Variants in GAB2 observed in about 807,000 individuals in gnomAD.
GAB2 encodes the protein GRB2 associated binding protein 2.
Under a neutral mutation model 65.5 loss-of-function variants are expected in GAB2, and 26 were observed. The observed-to-expected ratio is 0.40, with a 90% confidence interval of 0.29 to 0.55. The LOEUF (loss-of-function observed/expected upper bound fraction) is 0.55. Ranked by LOEUF, GAB2 falls within the 20% of genes least tolerant of loss-of-function variation. The pLI, the probability that GAB2 is intolerant of heterozygous loss-of-function variation, is 0.53. For synonymous variants in GAB2, 321 were observed against 329.6 expected, an observed-to-expected ratio of 0.97 and a Z score of 0.28; for missense variants, 884 against 875.8, an observed-to-expected ratio of 1.01 and a Z score of -0.12.
chr11:78,367,825 T>C (rs1016455198), intron 1 of GAB2, among the ~76,000 whole-genome samples: 3 of 144,018 alleles, frequency 2.1e-5, no homozygotes, highest in Non-Finnish European at 3.1e-5. Context: ...CTTTTTCTTT[T>C]TTTTTTTTTT....
intron 1 of GAB2, among the ~76,000 whole-genome samples, chr11:78,334,768 T>C (rs1054827185): frequency 2.0e-5 from 3 of 152,238 alleles, no homozygotes; most frequent in African/African-American, 7.2e-5. Context: ...GGGTAAATAC[T>C]CAGCTGTGGG....
rs746959802 is a variant in GAB2 at position 78,215,615 on chromosome 11, AAAT to A, written c.*3654_*3656del. The stretch of plus-strand genomic sequence containing the variant: ...TGACAAACAGTGACAATTCTGCGTG[AAAT>A]AATTCTAGATTTCAAGACACAAGTA... On this transcript the variant is annotated 3_prime_UTR_variant, in exon 10 of 10. Transcript: ENST00000361507. 6.6e-6 allele frequency: 1 copy of A among 152,284 alleles called. No homozygotes were observed. The highest frequency in any genetic ancestry group is 1.5e-5 in the Non-Finnish European group (1 of 68,038). The allele number at this position is 152,284 out of a possible 1,614,324, so 9.4% of individuals were successfully genotyped here.
intron 1 of GAB2, among the ~76,000 whole-genome samples, chr11:78,393,732 G>C (rs554514042): frequency 6.6e-6 from 1 of 152,246 alleles, no homozygotes; most frequent in South Asian, 2.1e-4. Flanking sequence ...AAGAACAGAA[G>C]AATCAAATAA....
In GAB2 at chr11:78,280,638, G is replaced by A; in HGVS notation, c.339C>T (p.Cys113=). 4 of 1,614,088 alleles carry A rather than the reference G, an allele frequency of 2.5e-6. No individual in the cohort carries two copies. Among genetic ancestry groups the A allele is most frequent in the Non-Finnish European group, 3.4e-6 (4 of 1,179,960 alleles). ...EDMNKWVQSI[C]QICGFNQAEE... The stretch of plus-strand genomic sequence containing the variant: ...CAGCCTGATTGAAGCCACAGATCTG[G>A]CAGATGCTCTGGACCCACTTATTCA... The change falls in exon 2 of 10, where the codon TGC becomes TGT. Residue 113 remains cysteine, a synonymous_variant. Transcript: ENST00000361507.
At chr11:78,314,469 C>T (rs754524389) in intron 1 of GAB2, among the ~76,000 whole-genome samples, 34 of 152,076 alleles carry the variant, frequency 2.2e-4, no homozygotes, top group Non-Finnish European at 3.8e-4. Flanking sequence ...GAAGTCAGTC[C>T]CCTAGGTTTA....
At chr11:78,367,821 CT>C (rs569887849) in intron 1 of GAB2, among the ~76,000 whole-genome samples, 15,495 of 116,068 alleles carry the variant, frequency 0.13, 532 homozygotes, top group East Asian at 0.29. Context: ...TTTTCTTTTT[CT>C]TTTTTTTTTT....
intron 1 of GAB2, among the ~76,000 whole-genome samples, chr11:78,291,548 CTTTTTTCTTTTTCTTTT>C (rs1866675246): frequency 1.5e-5 from 1 of 66,288 alleles, no homozygotes; most frequent in Non-Finnish European, 2.9e-5. Context: ...GAGAGACTTA[CTTTTTTCTTTTTCTTTT>C]TTTTTTTTTT....
At chr11:78,318,752 T>C (rs1167152532) in intron 1 of GAB2, among the ~76,000 whole-genome samples, 1 of 152,114 alleles carries the variant, frequency 6.6e-6, no homozygotes, top group African/African-American at 2.4e-5. Context: ...GGGCAATCAC[T>C]TAAAGGGAGG....
At chr11:78,401,505 CGTGT>C (rs34474918) in intron 1 of GAB2, among the ~76,000 whole-genome samples, 4,441 of 124,924 alleles carry the variant, frequency 0.036, 92 homozygotes, top group African/African-American at 0.066. Flanking sequence ...GAACAGTATT[CGTGT>C]GTGTGTGTGT....
At chr11:78,256,671 T>C (rs1865604915) in intron 2 of GAB2, among the ~76,000 whole-genome samples, 1 of 152,236 alleles carries the variant, frequency 6.6e-6, no homozygotes, top group Non-Finnish European at 1.5e-5. Flanking sequence ...GGATAATCTC[T>C]AGCCTACCTG....
At chr11:78,384,365 G>A (rs528455321) in intron 1 of GAB2, among the ~76,000 whole-genome samples, 1 of 152,102 alleles carries the variant, frequency 6.6e-6, no homozygotes, top group Non-Finnish European at 1.5e-5. Flanking sequence ...AGGCACTTCC[G>A]GAGCTTCCAT....
chr11:78,390,722 A>G (rs1489360545), intron 1 of GAB2, among the ~76,000 whole-genome samples: 4 of 152,236 alleles, frequency 2.6e-5, no homozygotes, highest in African/African-American at 7.2e-5. Context: ...GAAAGACAGA[A>G]TAAGTCTCAA....
At chr11:78,383,646 T>C (rs562041596) in intron 1 of GAB2, among the ~76,000 whole-genome samples, 2 of 149,312 alleles carry the variant, frequency 1.3e-5, no homozygotes, top group South Asian at 4.3e-4. Flanking sequence ...TAATGCCAGC[T>C]ACTCGAGAGG....
At chr11:78,279,477 A>G (rs1866271101) in intron 2 of GAB2, among the ~76,000 whole-genome samples, 1 of 152,172 alleles carries the variant, frequency 6.6e-6, no homozygotes, top group Admixed American at 6.5e-5. Flanking sequence ...TTTACACGCC[A>G]TAAATTTCAG....
intron 1 of GAB2, among the ~76,000 whole-genome samples, chr11:78,304,915 C>A (rs956752486): frequency 2.6e-5 from 4 of 152,182 alleles, no homozygotes; most frequent in African/African-American, 9.7e-5. Flanking sequence ...GAAAAGCAAA[C>A]TGCTTTAATG....
At chr11:78,236,663 A>G (rs986866209) in intron 3 of GAB2, among the ~76,000 whole-genome samples, 4 of 152,180 alleles carry the variant, frequency 2.6e-5, no homozygotes, top group Non-Finnish European at 5.9e-5. Flanking sequence ...GCTAAGAAAT[A>G]CTTTTTTTTC....
chr11:78,358,893 T>A (rs550137174), intron 1 of GAB2, among the ~76,000 whole-genome samples: 3 of 151,832 alleles, frequency 2.0e-5, no homozygotes, highest in African/African-American at 7.2e-5. Context: ...CAAACGAGAG[T>A]ATAAAAAAGA....
Position 78,243,142 on chromosome 11 carries a change from C to T in GAB2, c.620+7015G>A, listed in dbSNP as rs1004505931. Among the ~76,000 whole-genome samples, 4 of 141,340 alleles carry T rather than the reference C, an allele frequency of 2.8e-5. No individual in the cohort carries two copies. In the South Asian group the frequency reaches 6.7e-4, roughly 24 times the overall value. The allele number at this position is 141,340 out of a possible 152,430, so 92.7% of individuals were successfully genotyped here. A position where few individuals can be genotyped will look rare whatever the true frequency, so the allele number is the denominator to read the frequency against. On this transcript the variant is annotated intron_variant, in intron 3 of 9. Coordinates refer to ENST00000361507, the MANE Select transcript of GAB2 (RefSeq NM_080491.3). ...ACACCACCGTACTCTCCAGTATGGG[C>T]GACAGAGTGAGACTCTGTCTAGAAA...
intron 1 of GAB2, among the ~76,000 whole-genome samples, chr11:78,417,316 G>T (rs899920501): frequency 2.0e-5 from 3 of 151,434 alleles, no homozygotes; most frequent in Non-Finnish European, 4.4e-5. Context: ...CCAGCCCCGA[G>T]AGTCAACTCT....
Sources: allele counts gnomAD v4.1 joint callset (sites outside exome capture counted in the v4.1 genomes callset), GRCh38; gene constraint gnomAD v4.1.1; transcripts MANE v1.5; gene names NCBI Gene and HGNC (gene_info 2026-07-23, HGNC 2026-07-21).